Variants in PLXDC1 observed in about 807,000 individuals in gnomAD.
The protein encoded by PLXDC1 is plexin domain containing 1.
A neutral mutation model predicts 61.3 loss-of-function variants in PLXDC1; 39 were observed. The observed-to-expected ratio is 0.64, with a 90% CI of 0.49 to 0.83. PLXDC1 has a LOEUF of 0.83. PLXDC1 is among the 40% of genes least tolerant of loss of function. PLXDC1 has a pLI of 0.00. For missense variants in PLXDC1, 596 were observed against 666.5 expected (o/e 0.89, Z 1.17); for synonymous variants, 212 against 254.5 (o/e 0.83, Z 1.59).
At chr17:39,132,892 C>G (rs985571292) in intron 2 of PLXDC1, among the ~76,000 whole-genome samples, 8 of 152,104 alleles carry the variant, frequency 5.3e-5, no homozygotes, top group African/African-American at 1.7e-4. Flanking sequence ...GCAGAGGGTC[C>G]CAGAGCCTGG....
At chr17:39,135,174 C>T (rs765618777) in intron 2 of PLXDC1, among the ~76,000 whole-genome samples, 10 of 152,210 alleles carry the variant, frequency 6.6e-5, no homozygotes, top group Non-Finnish European at 1.3e-4. Flanking sequence ...ATAAGTTATC[C>T]CTTAAAGCCT....
chr17:39,116,337 G>A (rs774905091), intron 2 of PLXDC1, among the ~76,000 whole-genome samples: 5 of 152,190 alleles, frequency 3.3e-5, no homozygotes, highest in South Asian at 2.1e-4. Flanking sequence ...ATTCATCTCC[G>A]CCCCCAGCAC....
intron 4 of PLXDC1, 75 bp downstream of exon 4, chr17:39,108,829 G>T: frequency 1.0e-6 from 1 of 956,558 alleles, no homozygotes; most frequent in Admixed American, 1.9e-5. Flanking sequence ...TCTCCAGTGA[G>T]CCACCCCTGG....
chr17:39,108,842 G>T, intron 4 of PLXDC1, 62 bp downstream of exon 4: 2 of 1,114,144 alleles, frequency 1.8e-6, no homozygotes, highest in South Asian at 1.3e-5. Flanking sequence ...ACCCCTGGGA[G>T]GGCCCCTGAG....
chr17:39,144,492 C>T (rs1912032627), intron 1 of PLXDC1, among the ~76,000 whole-genome samples: 1 of 152,208 alleles, frequency 6.6e-6, no homozygotes, highest in Non-Finnish European at 1.5e-5. Context: ...TTCCTGGCCA[C>T]CCTTCCTTCC....
At chr17:39,130,603 C>T (rs540223097) in intron 2 of PLXDC1, among the ~76,000 whole-genome samples, 19 of 152,050 alleles carry the variant, frequency 1.2e-4, no homozygotes, top group East Asian at 3.9e-4. Flanking sequence ...CTTGCTCTGT[C>T]GCCCAGGCTG....
intron 2 of PLXDC1, among the ~76,000 whole-genome samples, chr17:39,123,800 G>A (rs1287273658): frequency 6.6e-6 from 1 of 152,188 alleles, no homozygotes; most frequent in Non-Finnish European, 1.5e-5. Flanking sequence ...AGACATTTCT[G>A]GACAGGAACT....
intron 7 of PLXDC1, among the ~76,000 whole-genome samples, chr17:39,089,977 T>C (rs1160472963): frequency 6.6e-6 from 1 of 152,102 alleles, no homozygotes; most frequent in East Asian, 1.9e-4. Context: ...TTTTGTATTT[T>C]TGGTAGAGAG....
intron 13 of PLXDC1, among the ~76,000 whole-genome samples, chr17:39,069,416 T>G (rs905856866): frequency 3.3e-5 from 5 of 152,172 alleles, no homozygotes; most frequent in Non-Finnish European, 4.4e-5. Flanking sequence ...AATTTTAGCC[T>G]TAAAAGCAGG....
chr17:39,136,524 C>T (rs1040616494), intron 2 of PLXDC1, among the ~76,000 whole-genome samples: 4 of 152,218 alleles, frequency 2.6e-5, no homozygotes, highest in East Asian at 1.9e-4. Context: ...GCTGGGATTA[C>T]AGGCGTGAGC....
chr17:39,100,762 C>T (rs1226668307), intron 7 of PLXDC1, among the ~76,000 whole-genome samples: 9 of 152,344 alleles, frequency 5.9e-5, no homozygotes, highest in Non-Finnish European at 8.8e-5. Flanking sequence ...TCAACACAGG[C>T]GTTTACCAAC....
intron 7 of PLXDC1, among the ~76,000 whole-genome samples, chr17:39,104,757 T>C (rs183415482): frequency 1.5e-4 from 23 of 151,940 alleles, no homozygotes; most frequent in East Asian, 5.8e-4. Flanking sequence ...GCATTCATCC[T>C]GAATGACAGA....
chr17:39,078,392 G>C (rs62076613), intron 10 of PLXDC1, among the ~76,000 whole-genome samples: 42,463 of 151,940 alleles, frequency 0.28, 6,422 homozygotes, highest in Admixed American at 0.43. Context: ...ACTTCTCTGA[G>C]CCCCAGTTTT....
intron 2 of PLXDC1, among the ~76,000 whole-genome samples, chr17:39,128,045 CT>C (rs1911365949): frequency 4.6e-5 from 1 of 21,584 alleles, no homozygotes; most frequent in Non-Finnish European, 8.7e-5. Flanking sequence ...ACTAGGACAG[CT>C]CTCTCTCTCT....
intron 9 of PLXDC1, among the ~76,000 whole-genome samples, chr17:39,082,509 G>A (rs930661104): frequency 6.7e-6 from 1 of 149,916 alleles, no homozygotes; most frequent in Non-Finnish European, 1.5e-5. Flanking sequence ...AGGTTGCAGT[G>A]AGCCAAGATC....
rs762650943 is a variant in PLXDC1, at chr17:39,100,544, C to T, written c.811+5310G>A. 1.8e-4 allele frequency among the ~76,000 whole-genome samples: 27 copies of T among 152,294 alleles called. 1 individual carries two copies. Among genetic ancestry groups the T allele is most frequent in the Admixed American group, 1.4e-3 (21 of 15,302 alleles). On this transcript the variant is annotated intron_variant, in intron 7 of 13. Transcript: ENST00000315392. Reference sequence around the variant, plus strand: ...AACTGAGATTATGGGCGTGAGCCACCGTGCCTGGCCGCTGGCTAACACTTC... The same window carrying T: ...AACTGAGATTATGGGCGTGAGCCACTGTGCCTGGCCGCTGGCTAACACTTC...
chr17:39,097,737 T>TAA (rs1227673064), intron 7 of PLXDC1, among the ~76,000 whole-genome samples: 1 of 150,012 alleles, frequency 6.7e-6, no homozygotes, highest in Non-Finnish European at 1.5e-5. Flanking sequence ...AATAAATAAA[T>TAA]AAATAAATAA....
intron 7 of PLXDC1, among the ~76,000 whole-genome samples, chr17:39,090,272 T>C (rs1407388759): frequency 1.3e-5 from 2 of 152,094 alleles, no homozygotes; most frequent in African/African-American, 2.4e-5. Flanking sequence ...TTCCATGCAG[T>C]GAAAAGAAGA....
At chr17:39,102,596 G>C (rs1300668137) in intron 7 of PLXDC1, among the ~76,000 whole-genome samples, 1 of 152,130 alleles carries the variant, frequency 6.6e-6, no homozygotes, top group Non-Finnish European at 1.5e-5. Context: ...TGGACTATCA[G>C]GCAGCCATTA....
Sources: allele counts gnomAD v4.1 joint callset (sites outside exome capture counted in the v4.1 genomes callset), GRCh38; gene constraint gnomAD v4.1.1; transcripts MANE v1.5; gene names NCBI Gene and HGNC (gene_info 2026-07-23, HGNC 2026-07-21).